The following ATP11C variants were observed in gnomAD, a reference collection of about 807,000 sequenced individuals.
ATP11C encodes the protein phospholipid-transporting ATPase IG.
ATP11C carries 36 observed loss-of-function variants against 97.4 expected under a neutral mutation model. The observed-to-expected ratio is 0.37, with a 90% CI of 0.28 to 0.49. The LOEUF (loss-of-function observed/expected upper bound fraction) is 0.49. Ranked by LOEUF, ATP11C falls within the 20% of genes least tolerant of loss-of-function variation. The pLI is 0.98. For synonymous variants in ATP11C, 275 were observed against 290.9 expected (o/e 0.95, Z 0.56); for missense variants, 730 against 824.6 (o/e 0.89, Z 1.40).
chrX:139,853,042 T>A (rs760416156), intron 1 of ATP11C, among the ~76,000 whole-genome samples: 1 of 110,508 alleles, frequency 9.0e-6, no homozygotes, highest in African/African-American at 3.3e-5. Flanking sequence ...AAAGCGAGAC[T>A]TCCCTGGTGT....
At chrX:139,889,322 G>A (rs1361921495) in intron 1 of ATP11C, among the ~76,000 whole-genome samples, 1 of 111,724 alleles carries the variant, frequency 9.0e-6, no homozygotes, top group African/African-American at 3.3e-5. Context: ...AGACTCAAAG[G>A]CTATACATTT....
chrX:139,895,310 C>CA (rs777505858), intron 1 of ATP11C, among the ~76,000 whole-genome samples: 1 of 111,455 alleles, frequency 9.0e-6, no homozygotes, highest in African/African-American at 3.3e-5. Flanking sequence ...CTTGCTCTGT[C>CA]ACTCAGTCTG....
At chrX:139,743,363 A>G (rs781614818) in intron 26 of ATP11C, among the ~76,000 whole-genome samples, 196 bp downstream of exon 26, 1 of 110,983 alleles carries the variant, frequency 9.0e-6, no homozygotes, top group South Asian at 3.8e-4. Context: ...TATACTGGGG[A>G]AAAAACTGAT....
At chrX:139,857,873 G>A (rs903576878) in intron 1 of ATP11C, among the ~76,000 whole-genome samples, 2 of 111,931 alleles carry the variant, frequency 1.8e-5, no homozygotes, top group East Asian at 2.8e-4. Context: ...CAGGGCCTCA[G>A]GAACAGAAAG....
intron 1 of ATP11C, among the ~76,000 whole-genome samples, chrX:139,873,853 G>T (rs953320428): frequency 1.9e-5 from 2 of 107,604 alleles, no homozygotes; most frequent in African/African-American, 6.8e-5. Flanking sequence ...ACAGTGCAGT[G>T]TAGCAGTTAA....
chrX:139,842,526 T>C lies in ATP11C; in HGVS notation c.28-15703A>G, dbSNP rs138441792. 1.7e-4 allele frequency among the ~76,000 whole-genome samples: 19 copies of C among 112,607 alleles called. No individual in the cohort carries two copies. The East Asian group carries it at 4.5e-3, about 27-fold the overall frequency. Reference sequence around the variant, plus strand: ...GCTAGGGCTGTATCAATTCCTGCAATAGGCAAGTTTACAATCTCATAGAGT... The same window carrying C: ...GCTAGGGCTGTATCAATTCCTGCAACAGGCAAGTTTACAATCTCATAGAGT... On this transcript the variant is annotated intron_variant, in intron 1 of 29. Coordinates refer to ENST00000682941, the MANE Select transcript of ATP11C (RefSeq NM_001353812.2).
chrX:139,860,958 C>T (rs1209851219), intron 1 of ATP11C, among the ~76,000 whole-genome samples: 1 of 112,175 alleles, frequency 8.9e-6, no homozygotes, highest in African/African-American at 3.2e-5. Flanking sequence ...CCTGAATCAC[C>T]CCTGTAGACT....
Position 139,750,169 on chromosome X carries a change from CAGAGG to C in ATP11C, c.2701-22_2701-18del. The C allele has an allele frequency of 8.7e-7, 1 of 1,154,415 alleles. No individual in the cohort carries two copies. The highest frequency in any genetic ancestry group is 1.2e-6 in the Non-Finnish European group (1 of 856,907). ...ATACAGTGGCTAAAATGAAAAACAA[CAGAGG>C]AAAGAAAGAAATTTCATGTAACAAT... On this transcript the variant is annotated intron_variant, in intron 23 of 29. Coordinates refer to ENST00000682941, the MANE Select transcript of ATP11C (RefSeq NM_001353812.2).
intron 2 of ATP11C, among the ~76,000 whole-genome samples, chrX:139,824,491 T>A (rs1047905705): frequency 1.8e-5 from 2 of 111,620 alleles, no homozygotes; most frequent in African/African-American, 6.5e-5. Context: ...CACGAGACCA[T>A]CCTGGCTAAC....
intron 1 of ATP11C, among the ~76,000 whole-genome samples, chrX:139,907,239 A>G (rs1242540547): frequency 9.0e-6 from 1 of 111,703 alleles, no homozygotes; most frequent in Non-Finnish European, 1.9e-5. Flanking sequence ...ACCAGAAACT[A>G]CATTTCCCTG....
intron 13 of ATP11C, among the ~76,000 whole-genome samples, chrX:139,788,622 A>G (rs2082625880): frequency 8.9e-6 from 1 of 111,981 alleles, no homozygotes. Context: ...TTCATGGCCT[A>G]AAAAACTTCA....
At chrX:139,781,400 T>C (rs1172009573) in intron 18 of ATP11C, among the ~76,000 whole-genome samples, 4 of 112,781 alleles carry the variant, frequency 3.5e-5, no homozygotes, top group African/African-American at 1.3e-4. Flanking sequence ...GGTCAGCCTG[T>C]AAGTTAAAAG....
At position 139,929,194 on chromosome X, in the gene ATP11C, T is replaced by C. The variant is rs2085396648; in HGVS notation, c.27+2822A>G. Among the ~76,000 whole-genome samples the C allele has an allele frequency of 2.7e-5, 3 of 111,912 alleles. No homozygotes were observed. In the South Asian group the frequency reaches 1.1e-3, roughly 41 times the overall value. On this transcript the variant is annotated intron_variant, in intron 1 of 29. Coordinates refer to ENST00000682941, the MANE Select transcript of ATP11C (RefSeq NM_001353812.2). ...ACTTGAGAACAGGTGGTGCTTTTATTGCACTCAGAGACATCCAACTCTTAA... is the reference window on the plus strand; with the variant it reads ...ACTTGAGAACAGGTGGTGCTTTTATCGCACTCAGAGACATCCAACTCTTAA...
chrX:139,730,028 G>T (rs2081309893), intron 29 of ATP11C, among the ~76,000 whole-genome samples: 1 of 111,717 alleles, frequency 9.0e-6, no homozygotes, highest in African/African-American at 3.3e-5. Flanking sequence ...GAGTTAGGTA[G>T]TTTCCTTACC....
At chrX:139,818,514 C>G (rs1329083334) in intron 3 of ATP11C, among the ~76,000 whole-genome samples, 1 of 111,729 alleles carries the variant, frequency 9.0e-6, no homozygotes, top group Non-Finnish European at 1.9e-5. Context: ...ACCATAGATC[C>G]AGAGGAGCTC....
In ATP11C at chrX:139,785,130, C is replaced by G. The variant is rs761901120; in HGVS notation, c.1666+96G>C. On this transcript the variant is annotated intron_variant, in intron 16 of 29. Coordinates refer to ENST00000682941, the MANE Select transcript of ATP11C (RefSeq NM_001353812.2). ...TTGCATGACTTTCACTAATCCTACA[C>G]TACTACATGAAATGATTCTCTTTCC... 6.6e-4 allele frequency: 426 copies of G among 641,217 alleles called. 2 individuals are homozygous for G. The highest frequency in any genetic ancestry group is 9.9e-4 in the Non-Finnish European group (403 of 408,566). 52.8% of individuals were successfully genotyped at this position (641,217 alleles called of 1,213,427 possible). A position where few individuals can be genotyped will look rare whatever the true frequency, so the allele number is the denominator to read the frequency against.
At chrX:139,929,887 CT>C (rs1339633179) in intron 1 of ATP11C, among the ~76,000 whole-genome samples, 2 of 110,947 alleles carry the variant, frequency 1.8e-5, no homozygotes, top group Non-Finnish European at 3.8e-5. Context: ...AATTGCCCCC[CT>C]CCCCCAAATT....
chrX:139,840,935 G>A (rs1214492312), intron 1 of ATP11C, among the ~76,000 whole-genome samples: 1 of 110,630 alleles, frequency 9.0e-6, no homozygotes, highest in Non-Finnish European at 1.9e-5. Flanking sequence ...GGTGATGGGT[G>A]CACCAAAATC....
chrX:139,816,980 A>G, intron 3 of ATP11C, 37 bp from the exon 4 acceptor site: 12 of 996,354 alleles, frequency 1.2e-5, no homozygotes, highest in Non-Finnish European at 1.7e-5. Context: ...TAAAATGAAA[A>G]TTTGTCATTA....
Sources: allele counts gnomAD v4.1 joint callset (sites outside exome capture counted in the v4.1 genomes callset), GRCh38; gene constraint gnomAD v4.1.1; transcripts MANE v1.5; gene names NCBI Gene and HGNC (gene_info 2026-07-23, HGNC 2026-07-21).